Variants in TYR observed in about 807,000 individuals in gnomAD.
The protein encoded by TYR is LB24-AB.
A neutral mutation model predicts 51.5 loss-of-function variants in TYR; 58 were observed. That is an observed-to-expected ratio of 1.13 (90% CI 0.91 to 1.40). The LOEUF (loss-of-function observed/expected upper bound fraction) is 1.40, where lower values mean the gene tolerates loss of function less well. Ranked by LOEUF, TYR falls within the 40% of genes most tolerant of loss-of-function variation. The pLI is 0.00. For missense variants in TYR, 732 were observed against 647.4 expected, an observed-to-expected ratio of 1.13 and a Z score of -1.42; for synonymous variants, 263 against 235.2, an observed-to-expected ratio of 1.12 and a Z score of -1.08.
chr11:89,263,224 A>G (rs1944483763), intron 3 of TYR, among the ~76,000 whole-genome samples: 1 of 152,024 alleles, frequency 6.6e-6, no homozygotes, highest in African/African-American at 2.4e-5. Flanking sequence ...AATTTATTAT[A>G]CCACATTAAT....
chr11:89,198,806 C>T (rs181153330), intron 2 of TYR, among the ~76,000 whole-genome samples: 1 of 150,432 alleles, frequency 6.6e-6, no homozygotes, highest in Non-Finnish European at 1.5e-5. Flanking sequence ...ATGTGCACAA[C>T]ATGCAGGTTT....
intron 1 of TYR, among the ~76,000 whole-genome samples, chr11:89,182,234 TGGAACA>T (rs919885968): frequency 1.3e-5 from 2 of 152,180 alleles, no homozygotes; most frequent in Admixed American, 1.3e-4. Flanking sequence ...AATATACACA[TGGAACA>T]GGCTTTATAA....
chr11:89,221,797 T>G (rs1943914842), intron 2 of TYR, among the ~76,000 whole-genome samples: 1 of 152,204 alleles, frequency 6.6e-6, no homozygotes, highest in South Asian at 2.1e-4. Context: ...TGAAACACTA[T>G]GAAATGTTAA....
At chr11:89,255,367 A>G (rs7940760) in intron 3 of TYR, among the ~76,000 whole-genome samples, 4,637 of 151,562 alleles carry the variant, frequency 0.031, 248 homozygotes, top group African/African-American at 0.1. Flanking sequence ...TTGTTTTTTC[A>G]TTGACTTTCT....
rs192616850 is a variant in TYR, at chr11:89,207,449, A to T, written c.1036+16031A>T. ...AATAGACAACTTGAATAGCCCTATA[A>T]ATGTAAAGGAAATTGAATTGGTAAT... On this transcript the variant is annotated intron_variant, in intron 2 of 4. Transcript: ENST00000263321. Among the ~76,000 whole-genome samples the T allele has an allele frequency of 2.6e-3, 397 of 152,286 alleles. 2 individuals carry two copies. The highest frequency in any genetic ancestry group is 9.2e-3 in the African/African-American group (381 of 41,572).
chr11:89,213,431 T>C (rs150097077), intron 2 of TYR, among the ~76,000 whole-genome samples: 2,548 of 152,078 alleles, frequency 0.017, 67 homozygotes, highest in African/African-American at 0.059. Context: ...TTCAAGGAAA[T>C]AAAAGAGGAC....
intron 1 of TYR, among the ~76,000 whole-genome samples, chr11:89,182,782 A>G (rs1285711759): frequency 6.6e-5 from 10 of 152,142 alleles, no homozygotes; most frequent in Non-Finnish European, 1.5e-5. Flanking sequence ...CAATATAATT[A>G]GATCTAATGT....
At chr11:89,183,577 G>T (rs1019825588) in intron 1 of TYR, among the ~76,000 whole-genome samples, 1 of 151,982 alleles carries the variant, frequency 6.6e-6, no homozygotes, top group Non-Finnish European at 1.5e-5. Flanking sequence ...TACTTACTTA[G>T]CTACAAGACC....
chr11:89,239,873 T>C (rs1243187612), intron 3 of TYR, among the ~76,000 whole-genome samples: 1 of 152,212 alleles, frequency 6.6e-6, no homozygotes, highest in Non-Finnish European at 1.5e-5. Context: ...TGTTGATTTC[T>C]AGTTGCATAC....
chr11:89,232,442 A>T (rs1476531300), intron 3 of TYR, among the ~76,000 whole-genome samples: 1 of 143,602 alleles, frequency 7.0e-6, no homozygotes, highest in Non-Finnish European at 1.5e-5. Context: ...AAATTAACAC[A>T]GGAACAGAAA....
At chr11:89,276,490 TTCTC>T (rs768278219) in intron 3 of TYR, among the ~76,000 whole-genome samples, 1 of 151,720 alleles carries the variant, frequency 6.6e-6, no homozygotes, top group Non-Finnish European at 1.5e-5. Flanking sequence ...GTTCACTACT[TTCTC>T]TCTCTCTGCC....
intron 4 of TYR, among the ~76,000 whole-genome samples, chr11:89,292,126 T>C (rs577942769): frequency 1.2e-4 from 19 of 152,144 alleles, no homozygotes; most frequent in African/African-American, 4.6e-4. Flanking sequence ...TAGTGAAATA[T>C]GAGTAATTTA....
intron 3 of TYR, among the ~76,000 whole-genome samples, chr11:89,231,985 A>C (rs1311501532): frequency 8.2e-6 from 1 of 122,408 alleles, no homozygotes; most frequent in Non-Finnish European, 1.6e-5. Flanking sequence ...ATTCCATCTC[A>C]AAAAAAAAAA....
At chr11:89,240,497 C>G (rs1207159478) in intron 3 of TYR, among the ~76,000 whole-genome samples, 1 of 151,672 alleles carries the variant, frequency 6.6e-6, no homozygotes, top group African/African-American at 2.4e-5. Flanking sequence ...AAAATTAGTT[C>G]TTTTTGTCAT....
At chr11:89,214,213 T>A (rs371146477) in intron 2 of TYR, among the ~76,000 whole-genome samples, 1 of 151,552 alleles carries the variant, frequency 6.6e-6, no homozygotes, top group Admixed American at 6.6e-5. Context: ...CATCAAAAAG[T>A]GGACAAAGGA....
intron 4 of TYR, among the ~76,000 whole-genome samples, chr11:89,286,405 A>C (rs1056599473): frequency 6.6e-6 from 1 of 151,868 alleles, no homozygotes; most frequent in Non-Finnish European, 1.5e-5. Flanking sequence ...ATTTTTTATT[A>C]GCCAGGAACT....
At chr11:89,244,350 T>A (rs1400590755) in intron 3 of TYR, among the ~76,000 whole-genome samples, 7 of 152,040 alleles carry the variant, frequency 4.6e-5, no homozygotes, top group African/African-American at 1.4e-4. Context: ...CCTGACATAC[T>A]CTGTATTTCT....
intron 2 of TYR, among the ~76,000 whole-genome samples, chr11:89,206,401 G>C (rs180792192): frequency 3.3e-5 from 5 of 152,048 alleles, no homozygotes; most frequent in African/African-American, 1.2e-4. Context: ...AGTAAGAGAG[G>C]CACATTTTAT....
rs1375934318 is a variant in TYR, at chr11:89,287,455, CA to C, written c.1366+2502del. On this transcript the variant is annotated intron_variant, in intron 4 of 4. Transcript: ENST00000263321. The stretch of plus-strand genomic sequence containing the variant: ...TATTGAATACGTACTTTGAATAACA[CA>C]TTGCCTTAGATACTATGGATACAAT... Among the ~76,000 whole-genome samples, 5 of 151,902 alleles carry C rather than the reference CA, an allele frequency of 3.3e-5. No homozygotes were observed. In the East Asian group the frequency reaches 9.7e-4, roughly 30 times the overall value.
Sources: gnomAD v4.1 joint callset for allele counts (sites outside exome capture counted in the v4.1 genomes callset) on GRCh38, gnomAD v4.1.1 for gene constraint, MANE v1.5 for transcripts, NCBI Gene and HGNC (gene_info 2026-07-23, HGNC 2026-07-21) for gene names.